The following RSF1 variants were observed in gnomAD, a reference collection of about 807,000 sequenced individuals.
RSF1 encodes the protein HBV pX-associated protein 8.
Under a neutral mutation model 145.2 loss-of-function variants are expected in RSF1, and 13 were observed. The ratio of observed to expected loss-of-function variants is 0.09; its 90% CI spans 0.06 to 0.14. The LOEUF is 0.14. Ranked by LOEUF, RSF1 falls within the 10% of genes least tolerant of loss-of-function variation. RSF1 has a pLI of 1.00. For synonymous variants in RSF1, 577 were observed against 592.6 expected (o/e 0.97, Z 0.38); for missense variants, 1,517 against 1,718.2 (o/e 0.88, Z 2.07).
chr11:77,699,683 T>G (rs1005137383), intron 6 of RSF1, among the ~76,000 whole-genome samples: 1 of 152,208 alleles, frequency 6.6e-6, no homozygotes, highest in Admixed American at 6.5e-5. Flanking sequence ...GGAGCCTTTT[T>G]GGAGGGCAAT....
chr11:77,677,088 G>T, intron 12 of RSF1, 89 bp from the exon 13 acceptor site: 1 of 938,210 alleles, frequency 1.1e-6, no homozygotes, highest in East Asian at 2.4e-5. Context: ...CCTTATTCAT[G>T]CTTAGCAGCT....
rs776820688 is a variant in RSF1 at position 77,701,524 on chromosome 11, T to G, written c.1705A>C (p.Lys569Gln). The G allele has an allele frequency of 4.6e-5, 74 of 1,613,858 alleles. No individual in the cohort carries two copies. The highest frequency in any genetic ancestry group is 6.1e-5 in the Non-Finnish European group (72 of 1,179,986). Residue 569 changes from lysine (K) to glutamine (Q), a missense_variant, in exon 6 of 16, where the codon AAG becomes CAG. Physicochemically the swap from Lys to Gln is moderately conservative, Grantham distance 53. This residue lies in a region of RSF1 where 579 missense variants were observed against 553.5 expected (regional missense o/e 1.05). Transcript: ENST00000308488. ...TTATCCTTCTTAGTTTTGGGAGACT[T>G]CTCTTCACCTTTCATGGTACACGAC... ...TESCTMKGEE[K>Q]SPKTKKDKRP...
At chr11:77,822,414 C>CAAAAAAAAAA (rs66463325), upstream of RSF1, among the ~76,000 whole-genome samples, 1 of 74,782 alleles carries the variant, frequency 1.3e-5, no homozygotes. Context: ...GACTCCACCT[C>CAAAAAAAAAA]AAAAAAAAAA....
rs1167462003 is a variant in RSF1, at chr11:77,735,114, C to T, written c.578+5617G>A. On this transcript the variant is annotated intron_variant, in intron 4 of 15. Transcript: ENST00000308488. ...GGGCCTTGGGGCGGTCTGAGGGTGC[C>T]GTGAAGAGGTGAGGGAGGGCTGGCT... 41 of 778,232 alleles carry T rather than the reference C, an allele frequency of 5.3e-5. 1 individual carries two copies. The highest frequency in any genetic ancestry group is 4.9e-4 in the South Asian group (34 of 69,570). The allele number at this position is 778,232 out of a possible 1,614,324, so 48.2% of individuals were successfully genotyped here. A position where few individuals can be genotyped will look rare whatever the true frequency, so the allele number is the denominator to read the frequency against.
upstream of RSF1, among the ~76,000 whole-genome samples, chr11:77,822,065 C>T (rs1461713783): frequency 6.6e-6 from 1 of 152,058 alleles, no homozygotes; most frequent in Non-Finnish European, 1.5e-5. Flanking sequence ...AGACTGAATT[C>T]CGCTATATTT....
intron 1 of RSF1, among the ~76,000 whole-genome samples, chr11:77,797,089 G>T (rs1948579916): frequency 6.6e-6 from 1 of 152,186 alleles, no homozygotes; most frequent in African/African-American, 2.4e-5. Flanking sequence ...ACTGCCAAAA[G>T]TAATTTATAG....
chr11:77,732,698 G>A (rs1004798984), intron 4 of RSF1, among the ~76,000 whole-genome samples: 3 of 152,096 alleles, frequency 2.0e-5, no homozygotes, highest in African/African-American at 4.8e-5. Context: ...TTTGCCTGCC[G>A]CCATCAATGA....
intron 2 of RSF1, among the ~76,000 whole-genome samples, chr11:77,755,912 A>G (rs1479719830): frequency 6.6e-6 from 1 of 152,200 alleles, no homozygotes; most frequent in African/African-American, 2.4e-5. Context: ...CATCTTACTC[A>G]TATTCATATC....
chr11:77,755,941 C>G (rs1486146638), intron 2 of RSF1, among the ~76,000 whole-genome samples: 4 of 152,036 alleles, frequency 2.6e-5, no homozygotes. Flanking sequence ...AAGTTTGAGA[C>G]AAAGAGCAAG....
intron 1 of RSF1, among the ~76,000 whole-genome samples, chr11:77,808,109 G>A (rs993810503): frequency 4.3e-4 from 65 of 152,090 alleles, no homozygotes; most frequent in African/African-American, 1.5e-3. Flanking sequence ...CAAGGCAGGC[G>A]AATCACTTGA....
chr11:77,691,030 A>C, intron 9 of RSF1, 129 bp downstream of exon 9: 1 of 748,510 alleles, frequency 1.3e-6, no homozygotes, highest in South Asian at 2.2e-5. Flanking sequence ...AAAAACAAAA[A>C]GGAGGCTGGA....
At chr11:77,798,230 T>C (rs561881837) in intron 1 of RSF1, among the ~76,000 whole-genome samples, 49 of 152,098 alleles carry the variant, frequency 3.2e-4, no homozygotes, top group African/African-American at 1.2e-3. Context: ...GCAGCATAAA[T>C]CACAATACAA....
chr11:77,852,382 G>A, the RSF1 span, among the ~76,000 whole-genome samples: 1 of 151,976 alleles, frequency 6.6e-6, no homozygotes, highest in African/African-American at 2.4e-5. Context: ...CCCATTTCCT[G>A]TCTGTCTTGA....
At position 77,700,897 on chromosome 11, in the gene RSF1, ATCT is replaced by A; in HGVS notation, c.2329_2331del (p.Arg777del). On this transcript the variant is annotated inframe_deletion, in exon 6 of 16. Transcript: ENST00000308488. Reference sequence around the variant, plus strand: ...GCAGTGGGTCTAGATATTCTTGGAGATCTTCTTAAAGTACGACCCACATTTGTT... The same window carrying A: ...GCAGTGGGTCTAGATATTCTTGGAGATCTTAAAGTACGACCCACATTTGTT... 6.2e-7 allele frequency: 1 copy of A among 1,613,216 alleles called. No individual in the cohort carries two copies.
chr11:77,823,708 A>G (rs1029846800), upstream of RSF1, among the ~76,000 whole-genome samples: 13 of 151,926 alleles, frequency 8.6e-5, no homozygotes, highest in African/African-American at 3.1e-4. Context: ...ACTTTCATAT[A>G]CTGGTTACTT....
rs186623737 is a variant in RSF1 at position 77,791,124 on chromosome 11, C to G, written c.188-26435G>C. 5.6e-4 allele frequency among the ~76,000 whole-genome samples: 86 copies of G among 152,374 alleles called. 1 individual carries two copies. The highest frequency in any genetic ancestry group is 1.0e-3 in the Non-Finnish European group (68 of 68,032). ...ATGAGGACCCTGCCCCTGCAGCAAA[C>G]TTCTCCCTGGGTATCTAGGTATTTC... On this transcript the variant is annotated intron_variant, in intron 1 of 15. Transcript: ENST00000308488.
the RSF1 span, chr11:77,841,269 T>C: frequency 1.4e-6 from 1 of 702,180 alleles, no homozygotes. Context: ...AATTTAAACA[T>C]GAGTTTGGAA....
At chr11:77,722,014 T>A (rs949719624) in intron 5 of RSF1, among the ~76,000 whole-genome samples, 1 of 151,792 alleles carries the variant, frequency 6.6e-6, no homozygotes, top group Non-Finnish European at 1.5e-5. Context: ...CTTTACAAAA[T>A]TAAAAATTAA....
chr11:77,668,054 A>G (rs10899398), intron 15 of RSF1, among the ~76,000 whole-genome samples: 113,426 of 151,796 alleles, frequency 0.75, 43,188 homozygotes, highest in African/African-American at 0.9. Flanking sequence ...CTGGAGTATC[A>G]TGGCGCAAAC....
Sources: gnomAD v4.1 joint callset for allele counts (sites outside exome capture counted in the v4.1 genomes callset) on GRCh38, gnomAD v4.1.1 for gene constraint, gnomAD v4.1.1 regional missense constraint, MANE v1.5 for transcripts, NCBI Gene and HGNC (gene_info 2026-07-23, HGNC 2026-07-21) for gene names.